Variants in RPH3A observed in about 807,000 individuals in gnomAD.
RPH3A encodes rabphilin 3A.
Under a neutral mutation model 102.2 loss-of-function variants are expected in RPH3A, and 48 were observed. The observed-to-expected ratio is 0.47, with a 90% CI of 0.37 to 0.60. The LOEUF (loss-of-function observed/expected upper bound fraction) is 0.60. RPH3A is among the 20% of genes least tolerant of loss of function. The pLI is 0.00. For synonymous variants in RPH3A, 310 were observed against 324.3 expected (o/e 0.96, Z 0.47); for missense variants, 781 against 910.1 (o/e 0.86, Z 1.83).
intron 1 of RPH3A, among the ~76,000 whole-genome samples, chr12:112,713,974 T>C (rs566370607): frequency 6.6e-6 from 1 of 152,302 alleles, no homozygotes; most frequent in African/African-American, 2.4e-5. Flanking sequence ...AATCTCACGG[T>C]GTGCCTCAGT....
At chr12:112,650,136 ATG>A (rs1301575955) in intron 1 of RPH3A, among the ~76,000 whole-genome samples, 1 of 152,224 alleles carries the variant, frequency 6.6e-6, no homozygotes, top group Non-Finnish European at 1.5e-5. Context: ...TGTAGAACAA[ATG>A]AATGAATGAA....
At chr12:112,890,787 G>A (rs1002485907) in intron 18 of RPH3A, 62 bp from the exon 19 acceptor site, 20 of 1,560,388 alleles carry the variant, frequency 1.3e-5, no homozygotes, top group East Asian at 4.6e-5. Context: ...CCTAATGCTC[G>A]CCATTCACAT....
chr12:112,750,806 G>A (rs1300803611), intron 1 of RPH3A, among the ~76,000 whole-genome samples: 1 of 152,158 alleles, frequency 6.6e-6, no homozygotes, highest in Non-Finnish European at 1.5e-5. Context: ...ATGGGTTCAG[G>A]GGGAGCACAT....
At chr12:112,848,937 A>C (rs2042276662) in intron 5 of RPH3A, among the ~76,000 whole-genome samples, 1 of 152,076 alleles carries the variant, frequency 6.6e-6, no homozygotes, top group South Asian at 2.1e-4. Flanking sequence ...AGGCCACTGG[A>C]GTGGTCTTCC....
At chr12:112,652,331 G>C (rs980087833) in intron 1 of RPH3A, among the ~76,000 whole-genome samples, 3 of 152,032 alleles carry the variant, frequency 2.0e-5, no homozygotes, top group Non-Finnish European at 2.9e-5. Flanking sequence ...GAAAATATTA[G>C]CTGGGTGTGG....
chr12:112,628,978 G>C lies in RPH3A; in HGVS notation c.-140+53659G>C, dbSNP rs375972177. On this transcript the variant is annotated intron_variant, in intron 1 of 21. Coordinates refer to the RPH3A transcript ENST00000543106. Reference sequence around the variant, plus strand: ...CAGTGGATCGTGTGTATCTTTGCTTGACCCAGTGGGAGAGAACCATTTGCC... The same window carrying C: ...CAGTGGATCGTGTGTATCTTTGCTTCACCCAGTGGGAGAGAACCATTTGCC... 6.1e-3 allele frequency among the ~76,000 whole-genome samples: 930 copies of C among 152,206 alleles called. 8 individuals are homozygous for C. Among genetic ancestry groups the C allele is most frequent in the African/African-American group, 0.021 (882 of 41,536 alleles).
chr12:112,613,584 T>A lies in RPH3A; in HGVS notation c.-140+38265T>A, dbSNP rs539153966. Among the ~76,000 whole-genome samples the A allele has an allele frequency of 3.9e-5, 6 of 152,246 alleles. No individual in the cohort carries two copies. The South Asian group carries it at 1.2e-3, about 32-fold the overall frequency. On this transcript the variant is annotated intron_variant, in intron 1 of 21. Coordinates refer to the RPH3A transcript ENST00000543106. ...AGGTGAGCCCAATCCATCACCCAGA[T>A]CCTTATAAAAGGGAAGCAGAACCTG...
intron 1 of RPH3A, among the ~76,000 whole-genome samples, chr12:112,694,664 A>G (rs1445026939): frequency 6.8e-6 from 1 of 147,372 alleles, no homozygotes; most frequent in Admixed American, 6.6e-5. Flanking sequence ...ACACACACAC[A>G]CACACACACA....
At chr12:112,870,682 G>T (rs929259734) in intron 10 of RPH3A, among the ~76,000 whole-genome samples, 1 of 152,108 alleles carries the variant, frequency 6.6e-6, no homozygotes, top group Non-Finnish European at 1.5e-5. Flanking sequence ...AGTCAGATTG[G>T]CTGAATATTT....
At chr12:112,799,455 A>T (rs549538901) in intron 2 of RPH3A, among the ~76,000 whole-genome samples, 2 of 152,198 alleles carry the variant, frequency 1.3e-5, no homozygotes, top group East Asian at 1.9e-4. Context: ...TGAGTTGGTC[A>T]TCTTACCTCC....
At chr12:112,612,934 G>A (rs777597902) in intron 1 of RPH3A, among the ~76,000 whole-genome samples, 1 of 151,952 alleles carries the variant, frequency 6.6e-6, no homozygotes, top group Non-Finnish European at 1.5e-5. Context: ...GAGCACCCAG[G>A]TATAAACAAG....
chr12:112,823,324 T>C (rs2041812567), intron 2 of RPH3A, among the ~76,000 whole-genome samples: 1 of 152,260 alleles, frequency 6.6e-6, no homozygotes, highest in African/African-American at 2.4e-5. Context: ...GGTAGCTGTA[T>C]GATTTTGAGC....
At chr12:112,723,232 A>G (rs926592135) in intron 1 of RPH3A, among the ~76,000 whole-genome samples, 6 of 152,236 alleles carry the variant, frequency 3.9e-5, no homozygotes. Flanking sequence ...AACTACTAAT[A>G]GCCTACTGTT....
intron 1 of RPH3A, among the ~76,000 whole-genome samples, chr12:112,607,583 A>G (rs2039606133): frequency 3.3e-5 from 5 of 152,252 alleles, no homozygotes. Flanking sequence ...AGAAGTACTC[A>G]GTTGTAGAAG....
chr12:112,884,659 T>C (rs900804335), intron 16 of RPH3A, among the ~76,000 whole-genome samples: 1 of 152,252 alleles, frequency 6.6e-6, no homozygotes, highest in African/African-American at 2.4e-5. Context: ...ATGGGATATG[T>C]GATGTTTTCC....
At chr12:112,850,771 G>A (rs2042310066) in intron 5 of RPH3A, 1 of 152,196 alleles carries the variant, frequency 6.6e-6, no homozygotes, top group African/African-American at 2.4e-5. Flanking sequence ...CTGAAAATGG[G>A]GGTGCTAACT....
intron 1 of RPH3A, among the ~76,000 whole-genome samples, chr12:112,743,463 G>A (rs761228441): frequency 7.2e-5 from 11 of 152,152 alleles, no homozygotes; most frequent in Admixed American, 1.3e-4. Context: ...GCTCCACACC[G>A]TCTGGTGTTG....
intron 1 of RPH3A, among the ~76,000 whole-genome samples, chr12:112,725,395 G>C (rs528174487): frequency 6.6e-6 from 1 of 152,230 alleles, no homozygotes; most frequent in African/African-American, 2.4e-5. Context: ...GAAGAGGGGA[G>C]AAAGGAAAGG....
chr12:112,605,106 G>A (rs2039586003), intron 1 of RPH3A, among the ~76,000 whole-genome samples: 1 of 152,172 alleles, frequency 6.6e-6, no homozygotes, highest in Non-Finnish European at 1.5e-5. Flanking sequence ...CAGGTGCAGT[G>A]GCTCATGCCT....
Sources: gnomAD v4.1 joint callset for allele counts (sites outside exome capture counted in the v4.1 genomes callset) on GRCh38, gnomAD v4.1.1 for gene constraint, MANE v1.5 for transcripts, NCBI Gene and HGNC (gene_info 2026-07-23, HGNC 2026-07-21) for gene names.